PLA2G4E: variants seen among roughly 807,000 people sequenced by gnomAD.
PLA2G4E encodes phospholipase A2 group IVE, also known as cytosolic phospholipase A2 epsilon.
In PLA2G4E, 84 loss-of-function variants were observed where a neutral mutation model predicts 109.1. That is an observed-to-expected ratio of 0.77 (90% CI 0.65 to 0.92). The LOEUF is 0.92. Among genes scored for constraint, PLA2G4E ranks in the 40% least tolerant of loss-of-function variants. The pLI is 0.00. For missense variants in PLA2G4E, 1,057 were observed against 1,076.6 expected (o/e 0.98, Z 0.25); for synonymous variants, 469 against 436.1 (o/e 1.08, Z -0.94).
chr15:41,982,246 G>C (rs2068077110), exon 20 of PLA2G4E: 1 of 152,238 alleles, frequency 6.6e-6, no homozygotes, highest in South Asian at 2.1e-4. Context: ...CTGCCTTTCT[G>C]CTTTCACCTT....
chr15:42,001,177 C>T lies in PLA2G4E; in HGVS notation c.653G>A (p.Arg218Lys), dbSNP rs570223254. The change falls in exon 7 of 20, where the codon AGG becomes AAG. Residue 218 changes from arginine (R) to lysine (K), a missense_variant. By Grantham distance (26) the Arg-to-Lys change is conservative. Transcript: ENST00000399518. ...CTCACTTTTCTCCCTCTTCCTCCGCCTCCTGGATTGTGCATGAACCTCCAG... is the reference window on the plus strand; with the variant it reads ...CTCACTTTTCTCCCTCTTCCTCCGCTTCCTGGATTGTGCATGAACCTCCAG... The T allele has an allele frequency of 5.0e-6, 8 of 1,613,760 alleles. No homozygotes were observed. The East Asian group carries it at 6.7e-5, about 13-fold the overall frequency.
At position 41,989,134 on chromosome 15, in the gene PLA2G4E, A is replaced by G. The variant is rs570523627; in HGVS notation, c.1723+281T>C. Among the ~76,000 whole-genome samples, 279 of 152,262 alleles carry G rather than the reference A, an allele frequency of 1.8e-3. 1 individual carries two copies. The highest frequency in any genetic ancestry group is 2.8e-3 in the Non-Finnish European group (192 of 68,008). On this transcript the variant is annotated intron_variant, in intron 15 of 19. Coordinates refer to ENST00000399518, the Ensembl canonical transcript of PLA2G4E. The stretch of plus-strand genomic sequence containing the variant: ...TGGGTTGGCCCCTGGAAGCAGGCAC[A>G]CTGCTGGCCGAAGCTAGACGGGAGT...
intron 3 of PLA2G4E, among the ~76,000 whole-genome samples, chr15:42,006,968 C>T (rs1036961789): frequency 2.0e-5 from 3 of 152,164 alleles, no homozygotes; most frequent in Non-Finnish European, 4.4e-5. Flanking sequence ...AAATTCTCCT[C>T]CCTTACCAAA....
exon 4 of PLA2G4E, chr15:42,006,030 A>G (rs1339250989): frequency 6.2e-7 from 1 of 1,613,970 alleles, no homozygotes; most frequent in South Asian, 1.1e-5. Context: ...TTTCTTTCGG[A>G]AACAGAGCTT....
At chr15:41,991,453 G>A (rs1431491291) in intron 13 of PLA2G4E, among the ~76,000 whole-genome samples, 1 of 145,464 alleles carries the variant, frequency 6.9e-6, no homozygotes, top group Non-Finnish European at 1.5e-5. Flanking sequence ...CAAGGCCGAT[G>A]CCCTTGGCCT....
At chr15:42,015,869 G>GCC (rs1555387553) in intron 1 of PLA2G4E, among the ~76,000 whole-genome samples, 1 of 152,106 alleles carries the variant, frequency 6.6e-6, no homozygotes, top group African/African-American at 2.4e-5. Context: ...AGCCTCGCAC[G>GCC]GGTTCTCTTC....
Position 41,992,856 on chromosome 15 carries a change from G to A in PLA2G4E, c.1351C>T (p.Leu451=), listed in dbSNP as rs988685526. ...AATTTGCGGAGCTGGTCTGGGAACA[G>A]GGAGGGTAGCTTGTCCTTTACCACA... The change falls in exon 13 of 20, where the codon CTG becomes TTG. Residue 451 remains leucine, a synonymous_variant. Transcript: ENST00000399518. The A allele has an allele frequency of 1.9e-6, 3 of 1,613,938 alleles. No homozygotes were observed. The African/African-American group carries it at 4.0e-5, about 22-fold the overall frequency.
intron 1 of PLA2G4E, among the ~76,000 whole-genome samples, chr15:42,040,729 T>C (rs1889300567): frequency 6.6e-6 from 1 of 152,220 alleles, no homozygotes; most frequent in Non-Finnish European, 1.5e-5. Flanking sequence ...ATGGTAGTAA[T>C]GTGTATGTCC....
chr15:41,993,508 A>C (rs956393618), intron 12 of PLA2G4E, among the ~76,000 whole-genome samples: 13 of 151,976 alleles, frequency 8.6e-5, no homozygotes, highest in African/African-American at 3.1e-4. Context: ...AATTCCTATA[A>C]TTCTGATGTT....
chr15:42,000,784 T>A (rs537223002), intron 7 of PLA2G4E, among the ~76,000 whole-genome samples: 1 of 152,180 alleles, frequency 6.6e-6, no homozygotes, highest in Non-Finnish European at 1.5e-5. Flanking sequence ...TGAGCTGTGG[T>A]CTGCCTAGAG....
intron 1 of PLA2G4E, among the ~76,000 whole-genome samples, chr15:42,022,492 C>T (rs1434499425): frequency 6.6e-6 from 1 of 151,788 alleles, no homozygotes; most frequent in Admixed American, 6.6e-5. Flanking sequence ...TCAGTGGGAA[C>T]CCTGAGCTTG....
chr15:42,038,872 T>C (rs147122604), intron 1 of PLA2G4E, among the ~76,000 whole-genome samples: 2 of 152,194 alleles, frequency 1.3e-5, no homozygotes, highest in Non-Finnish European at 2.9e-5. Context: ...TCCAAAGTAA[T>C]TGTTACTGAT....
exon 17 of PLA2G4E, chr15:41,987,336 G>C (rs1372964312): frequency 6.2e-7 from 1 of 1,613,964 alleles, no homozygotes; most frequent in Middle Eastern, 1.6e-4. Flanking sequence ...CAGGATGTTA[G>C]CATCACATTT....
rs371582157 is a variant in PLA2G4E at position 42,000,240 on chromosome 15, G to A, written c.716C>T (p.Thr239Ile). The change falls in exon 8 of 20, where the codon ACC becomes ATC. Residue 239 changes from threonine (T) to isoleucine (I), a missense_variant. Coordinates refer to ENST00000399518, the Ensembl canonical transcript of PLA2G4E. ...TTCCAAGCAGGGCCGGACACGCTGG[G>A]TGTTCTCAAAGGATTCGTTCACCAT... 18 of 1,581,150 alleles carry A rather than the reference G, an allele frequency of 1.1e-5. No homozygotes were observed. The highest frequency in any genetic ancestry group is 1.5e-5 in the Non-Finnish European group (18 of 1,163,638).
At chr15:42,000,420 A>T in intron 7 of PLA2G4E, 138 bp from the exon 8 acceptor site, 2 of 820,186 alleles carry the variant, frequency 2.4e-6, no homozygotes, top group Non-Finnish European at 3.8e-6. Flanking sequence ...TTCCCCAGAG[A>T]TTCTCAATCT....
intron 1 of PLA2G4E, among the ~76,000 whole-genome samples, chr15:42,025,929 T>G (rs540769528): frequency 1.3e-5 from 2 of 152,370 alleles, no homozygotes; most frequent in Non-Finnish European, 2.9e-5. Flanking sequence ...TAATTTAAAA[T>G]GAAATGTGAG....
chr15:41,995,675 A>G (rs2068328021), intron 11 of PLA2G4E, among the ~76,000 whole-genome samples, 179 bp from the exon 12 acceptor site: 1 of 151,564 alleles, frequency 6.6e-6, no homozygotes, highest in African/African-American at 2.4e-5. Flanking sequence ...GGGTCTAGAA[A>G]TAGACCTCAG....
At chr15:42,037,607 A>G (rs957320993) in intron 1 of PLA2G4E, among the ~76,000 whole-genome samples, 1 of 152,222 alleles carries the variant, frequency 6.6e-6, no homozygotes, top group Non-Finnish European at 1.5e-5. Context: ...CGGGTCTAAA[A>G]GATCTATAAC....
At chr15:42,007,994 G>T in intron 2 of PLA2G4E, 129 bp from the exon 3 acceptor site, 1 of 1,057,194 alleles carries the variant, frequency 9.5e-7, no homozygotes, top group Non-Finnish European at 1.4e-6. Flanking sequence ...TCATTCATGG[G>T]TCTAACTTTC....
Sources: gnomAD v4.1 joint callset for allele counts (sites outside exome capture counted in the v4.1 genomes callset) on GRCh38, gnomAD v4.1.1 for gene constraint, MANE v1.5 for transcripts, NCBI Gene and HGNC (gene_info 2026-07-23, HGNC 2026-07-21) for gene names.